TRMT44: variants seen among roughly 807,000 people sequenced by gnomAD.
TRMT44 encodes probable tRNA (uracil-O(2)-)-methyltransferase.
Under a neutral mutation model 77.3 loss-of-function variants are expected in TRMT44, and 78 were observed. The ratio of observed to expected loss-of-function variants is 1.01; its 90% CI spans 0.84 to 1.22. The LOEUF (loss-of-function observed/expected upper bound fraction) is 1.22. TRMT44 is among the 50% of genes most tolerant of loss of function. The pLI, the probability that TRMT44 is intolerant of heterozygous loss-of-function variation, is 0.00. For missense variants in TRMT44, 1,090 were observed against 964.4 expected (o/e 1.13, Z -1.73); for synonymous variants, 391 against 383.3 (o/e 1.02, Z -0.23).
chr4:8,457,125 C>T (rs992710641), intron 6 of TRMT44, among the ~76,000 whole-genome samples: 4 of 151,340 alleles, frequency 2.6e-5, no homozygotes, highest in African/African-American at 9.7e-5. Flanking sequence ...TGAAAGTACC[C>T]TATTCTGGAA....
At chr4:8,497,269 T>C (rs938670977), downstream of TRMT44, among the ~76,000 whole-genome samples, 6 of 152,262 alleles carry the variant, frequency 3.9e-5, no homozygotes, top group Non-Finnish European at 8.8e-5. Context: ...TTCTTGTTTT[T>C]CGTTTGATGC....
intron 2 of TRMT44, among the ~76,000 whole-genome samples, chr4:8,485,802 T>A (rs1308037623): frequency 6.6e-6 from 1 of 151,462 alleles, no homozygotes; most frequent in African/African-American, 2.4e-5. Context: ...TATAAAAGAG[T>A]GTTGTCCAAG....
Position 8,454,723 on chromosome 4 carries a change from C to G in TRMT44, c.1132-19C>G. On this transcript the variant is annotated intron_variant, in intron 5 of 10. Coordinates refer to ENST00000389737, the MANE Select transcript of TRMT44 (RefSeq NM_152544.3). The stretch of plus-strand genomic sequence containing the variant: ...AAGTACTAAGGTTAACCTTTGATTT[C>G]TAAAATTAATTTTTTCAGCATCCAG... 2 of 1,613,426 alleles carry G rather than the reference C, an allele frequency of 1.2e-6. No individual in the cohort carries two copies. Among genetic ancestry groups the G allele is most frequent in the South Asian group, 2.2e-5 (2 of 91,054 alleles).
chr4:8,498,917 G>C, the TRMT44 span, among the ~76,000 whole-genome samples: 36 of 152,296 alleles, frequency 2.4e-4, no homozygotes, highest in African/African-American at 8.4e-4. The surrounding 1 kb of genome is among the most constrained non-coding windows in gnomAD (Gnocchi z 4.3). Flanking sequence ...TGGTCCCTGC[G>C]TGGTCCAGTT....
the TRMT44 span, among the ~76,000 whole-genome samples, chr4:8,510,036 C>T: frequency 6.6e-6 from 1 of 152,076 alleles, no homozygotes; most frequent in African/African-American, 2.4e-5. Context: ...AGCTGCAGAG[C>T]GAGATCCGGG....
chr4:8,455,064 G>T (rs1725714925), intron 6 of TRMT44: 2 of 549,102 alleles, frequency 3.6e-6, no homozygotes, highest in South Asian at 4.9e-5. Flanking sequence ...TGAGTTTGTT[G>T]GTGCCGTTTG....
intron 8 of TRMT44, among the ~76,000 whole-genome samples, chr4:8,465,831 C>A (rs957101326): frequency 1.3e-5 from 2 of 152,230 alleles, no homozygotes; most frequent in Non-Finnish European, 2.9e-5. Context: ...TGAGTGGCCC[C>A]AGGGGACCTG....
the TRMT44 span, chr4:8,509,563 T>C: frequency 5.2e-5 from 8 of 152,800 alleles, no homozygotes; most frequent in African/African-American, 1.9e-4. Flanking sequence ...GCAGTGGCCC[T>C]GAAGGGGCCT....
At chr4:8,474,140 C>G (rs1579085860) in intron 10 of TRMT44, among the ~76,000 whole-genome samples, 1 of 122,090 alleles carries the variant, frequency 8.2e-6, no homozygotes, top group Non-Finnish European at 1.7e-5. Flanking sequence ...CCTCAGTGAT[C>G]CCCCACCCCC....
chr4:8,455,367 G>T (rs539480083), intron 6 of TRMT44, among the ~76,000 whole-genome samples: 1 of 152,222 alleles, frequency 6.6e-6, no homozygotes, highest in South Asian at 2.1e-4. Context: ...TGAGCAAGTG[G>T]AGGCAGCCAG....
chr4:8,473,495 C>T (rs1727164805), intron 10 of TRMT44: 1 of 152,302 alleles, frequency 6.6e-6, no homozygotes, highest in African/African-American at 2.4e-5. Context: ...CCAGCACTGG[C>T]ACCCCTGAGC....
chr4:8,446,446 A>G lies in TRMT44; in HGVS notation c.620-30A>G. On this transcript the variant is annotated intron_variant, in intron 1 of 10. Coordinates refer to ENST00000389737, the MANE Select transcript of TRMT44 (RefSeq NM_152544.3). This position sits in a 1 kb window ranked among gnomAD's most constrained non-coding sequence, Gnocchi z 4.3. ...GATGAGACGGTAGCTAGGCAGTTGT[A>G]ATTTGTCCTTCTTCTCTTTTTCTTT... is the stretch of plus-strand genomic sequence containing the variant. The G allele has an allele frequency of 7.1e-7, 1 of 1,406,286 alleles. No individual in the cohort carries two copies. Among genetic ancestry groups the G allele is most frequent in the Non-Finnish European group, 9.7e-7 (1 of 1,029,458 alleles). 87.1% of individuals were successfully genotyped at this position (1,406,286 alleles called of 1,614,324 possible).
rs1249452658 is a variant in TRMT44, at chr4:8,465,381, T to C, written c.1314T>C (p.Ser438=). 2.5e-6 allele frequency: 4 copies of C among 1,609,528 alleles called. No individual in the cohort carries two copies. The highest frequency in any genetic ancestry group is 3.4e-6 in the Non-Finnish European group (4 of 1,178,266). ...TGGTTGTTGGTTCTTTTTGAAGGTC[T>C]TCCTACAATTGCCGCTTCTTTGTCC... ...TPWIPVIAAR[S]SYNCRFFVLP... is the part of the protein sequence containing the mutation. Residue 438 remains serine (S), a synonymous_variant, in exon 8 of 11, where the codon TCT becomes TCC. Transcript: ENST00000389737.
At chr4:8,510,385 C>G in the TRMT44 span, 1 of 152,874 alleles carries the variant, frequency 6.5e-6, no homozygotes, top group East Asian at 1.9e-4. Flanking sequence ...TCTGGCCCTC[C>G]CTCCACACTG....
At position 8,465,564 on chromosome 4, in the gene TRMT44, A is replaced by G. The variant is rs752453013; in HGVS notation, c.1494+3A>G. The stretch of plus-strand genomic sequence containing the variant: ...TCAGGATTCCTTCAACCAAAAGAGT[A>G]TGTCTGATTCTCATGTTGTTCTAGG... On this transcript the variant is annotated splice_donor_region_variant and intron_variant, in intron 8 of 10. Transcript: ENST00000389737. The G allele has an allele frequency of 1.1e-4, 174 of 1,610,302 alleles. No individual in the cohort carries two copies. Among genetic ancestry groups the G allele is most frequent in the Non-Finnish European group, 1.4e-4 (165 of 1,177,998 alleles).
intron 9 of TRMT44, among the ~76,000 whole-genome samples, chr4:8,470,559 G>A (rs904655453): frequency 1.3e-5 from 2 of 152,204 alleles, no homozygotes; most frequent in East Asian, 1.9e-4. Context: ...GCAGAAATTC[G>A]AATGGGAAAG....
intron 2 of TRMT44, among the ~76,000 whole-genome samples, chr4:8,488,091 G>C (rs1240327947): frequency 1.3e-5 from 2 of 152,204 alleles, no homozygotes; most frequent in African/African-American, 2.4e-5. Context: ...GGTTGGAGAA[G>C]AGAGTAAAAA....
At position 8,468,244 on chromosome 4, in the gene TRMT44, A is replaced by G. The variant is rs1726741491; in HGVS notation, c.1825A>G (p.Ile609Val). 1 of 1,614,226 alleles carries G rather than the reference A, an allele frequency of 6.2e-7. No individual in the cohort carries two copies. Among genetic ancestry groups the G allele is most frequent in the Non-Finnish European group, 8.5e-7 (1 of 1,180,044 alleles). Residue 609 changes from isoleucine to valine, a missense_variant, in exon 9 of 11, where the codon ATT (isoleucine) becomes GTT (valine). Ile to Val is a conservative substitution (Grantham distance 29, BLOSUM62 3). Coordinates refer to ENST00000389737, the MANE Select transcript of TRMT44 (RefSeq NM_152544.3). ...RNCAALPRDF[I>V]DQVVLQVANL... ...CTGTGCCGCCCTGCCACGAGATTTT[A>G]TTGACCAAGTGGTTTTGCAAGTAGC...
At chr4:8,504,408 TC>T in the TRMT44 span, among the ~76,000 whole-genome samples, 1 of 151,908 alleles carries the variant, frequency 6.6e-6, no homozygotes, top group Non-Finnish European at 1.5e-5. This position sits in a 1 kb window ranked among gnomAD's most constrained non-coding sequence, Gnocchi z 5.3. Flanking sequence ...GCTGCCCTCC[TC>T]CCCTGGAGCT....
Sources: allele counts gnomAD v4.1 joint callset (sites outside exome capture counted in the v4.1 genomes callset), GRCh38; gene constraint gnomAD v4.1.1; non-coding constraint Gnocchi (gnomAD v3.1); transcripts MANE v1.5; gene names NCBI Gene and HGNC (gene_info 2026-07-23, HGNC 2026-07-21).